The following MYH11 variants were observed in gnomAD, a reference collection of about 807,000 sequenced individuals.
MYH11 encodes myosin heavy chain 11.
In MYH11, 80 loss-of-function variants were observed where a neutral mutation model predicts 246.6. That is an observed-to-expected ratio of 0.32 (90% confidence interval 0.27 to 0.39). The LOEUF (loss-of-function observed/expected upper bound fraction) is 0.39, where lower values mean the gene tolerates loss of function less well. Ranked by LOEUF, MYH11 falls within the 10% of genes least tolerant of loss-of-function variation. The pLI, the probability that MYH11 is intolerant of heterozygous loss-of-function variation, is 1.00. For missense variants in MYH11, 2,158 were observed against 2,546.8 expected (o/e 0.85, Z 3.29); for synonymous variants, 1,071 against 1,015.5 (o/e 1.05, Z -1.04).
intron 15 of MYH11, among the ~76,000 whole-genome samples, chr16:15,752,375 A>G (rs2041595573): frequency 6.6e-6 from 1 of 152,040 alleles, no homozygotes; most frequent in African/African-American, 2.4e-5. Context: ...ACTGATGGCC[A>G]GGGACAAACA....
chr16:15,705,517 C>T (rs939324907), intron 40 of MYH11, among the ~76,000 whole-genome samples: 9 of 152,174 alleles, frequency 5.9e-5, no homozygotes, highest in African/African-American at 9.7e-5. Flanking sequence ...TTTCAGCAAC[C>T]GCAACAAATA....
chr16:15,833,459 C>T (rs1455457732), intron 2 of MYH11, among the ~76,000 whole-genome samples: 1 of 151,094 alleles, frequency 6.6e-6, no homozygotes, highest in African/African-American at 2.4e-5. Context: ...AGCCAAAAGA[C>T]AGCATTCAGA....
chr16:15,740,778 G>C (rs539208587), intron 22 of MYH11, among the ~76,000 whole-genome samples: 1 of 152,004 alleles, frequency 6.6e-6, no homozygotes, highest in African/African-American at 2.4e-5. Flanking sequence ...CCTTGAGTGG[G>C]GGTTAGATTT....
At chr16:15,716,424 G>T (rs1436200312) in intron 38 of MYH11, among the ~76,000 whole-genome samples, 3 of 152,176 alleles carry the variant, frequency 2.0e-5, no homozygotes, top group South Asian at 2.1e-4. Flanking sequence ...TAAGAAATGT[G>T]CTGTGATCAT....
At chr16:15,706,950 A>G (rs890404283) in intron 40 of MYH11, among the ~76,000 whole-genome samples, 2 of 152,168 alleles carry the variant, frequency 1.3e-5, no homozygotes, top group African/African-American at 4.8e-5. Flanking sequence ...ACTGGTTTCA[A>G]ATCCTAGACC....
intron 40 of MYH11, among the ~76,000 whole-genome samples, chr16:15,706,563 C>G (rs1333085607): frequency 2.0e-5 from 3 of 151,896 alleles, no homozygotes; most frequent in Non-Finnish European, 4.4e-5. Context: ...CTAAATTAGC[C>G]GTGCGTGGTG....
At chr16:15,853,723 C>G (rs546296860) in intron 1 of MYH11, among the ~76,000 whole-genome samples, 55 of 152,250 alleles carry the variant, frequency 3.6e-4, no homozygotes, top group African/African-American at 1.2e-3. Context: ...TTAAAGTATG[C>G]CATCAAGACC....
At position 15,747,735 on chromosome 16, in the gene MYH11, A is replaced by G; in HGVS notation, c.2251-5T>C. 1 of 1,613,954 alleles carries G rather than the reference A, an allele frequency of 6.2e-7. No individual in the cohort carries two copies. Among genetic ancestry groups the G allele is most frequent in the Non-Finnish European group, 8.5e-7 (1 of 1,179,996 alleles). On this transcript the variant is annotated splice_region_variant and splice_polypyrimidine_tract_variant and intron_variant, in intron 18 of 40. Coordinates refer to ENST00000300036, the MANE Select transcript of MYH11 (RefSeq NM_002474.3). ...GTCAAGTTCCAGGGCTTTGATCTGC[A>G]AAAGGAAGGAAAGGAAGAGCTCCTG...
intron 2 of MYH11, among the ~76,000 whole-genome samples, chr16:15,836,507 C>T (rs1195492502): frequency 6.6e-6 from 1 of 152,120 alleles, no homozygotes; most frequent in Non-Finnish European, 1.5e-5. Context: ...TCAAGCGATT[C>T]TCCTGCCTCG....
chr16:15,782,757 G>C (rs1379445029), intron 5 of MYH11: 1 of 449,650 alleles, frequency 2.2e-6, no homozygotes, highest in African/African-American at 2.0e-5. Context: ...GCCACTCAAA[G>C]CCACTGCCTT....
At chr16:15,840,753 T>C (rs528640226) in intron 1 of MYH11, among the ~76,000 whole-genome samples, 1 of 152,022 alleles carries the variant, frequency 6.6e-6, no homozygotes, top group South Asian at 2.1e-4. Flanking sequence ...ACCAAACAAC[T>C]AAAAAAATCA....
At chr16:15,792,452 T>C (rs1209796456) in intron 4 of MYH11, 2 of 152,210 alleles carry the variant, frequency 1.3e-5, no homozygotes, top group Admixed American at 1.3e-4. Flanking sequence ...ATATTCACAT[T>C]TTCCCACTGT....
At chr16:15,786,073 C>T (rs1402074314) in intron 5 of MYH11, 2 of 263,724 alleles carry the variant, frequency 7.6e-6, no homozygotes, top group South Asian at 4.6e-5. Flanking sequence ...CAGGGGGACA[C>T]GTGGAGGAAT....
rs2039326079 is a variant in MYH11 at position 15,704,132 on chromosome 16, T to C, written c.5787-9A>G. 1.9e-6 allele frequency: 3 copies of C among 1,613,892 alleles called. No homozygotes were observed. In the East Asian group the frequency reaches 6.7e-5, roughly 36 times the overall value. On this transcript the variant is annotated splice_polypyrimidine_tract_variant and intron_variant, in intron 40 of 40. Coordinates refer to ENST00000300036, the MANE Select transcript of MYH11 (RefSeq NM_002474.3). ...AGGTCTCGTTTCCTCGCCTGTGGGTTGTAAGAAAACACATTATTTAGCAAA... is the reference window on the plus strand; with the variant it reads ...AGGTCTCGTTTCCTCGCCTGTGGGTCGTAAGAAAACACATTATTTAGCAAA...
intron 2 of MYH11, among the ~76,000 whole-genome samples, chr16:15,830,425 T>C (rs911141356): frequency 6.6e-6 from 1 of 152,206 alleles, no homozygotes; most frequent in South Asian, 2.1e-4. Flanking sequence ...GGTTCATCCC[T>C]ATAGCAGAAG....
At chr16:15,768,308 C>T (rs1286671501) in intron 9 of MYH11, among the ~76,000 whole-genome samples, 2 of 152,122 alleles carry the variant, frequency 1.3e-5, no homozygotes, top group East Asian at 3.9e-4. Context: ...ACATTAGAAG[C>T]AGTATAACCA....
rs553643655 is a variant in MYH11 at position 15,763,464 on chromosome 16, G to A, written c.1129+332C>T. Among the ~76,000 whole-genome samples the A allele has an allele frequency of 2.0e-5, 3 of 152,086 alleles. No homozygotes were observed. The South Asian group carries it at 6.2e-4, about 32-fold the overall frequency. ...GCATTTTGGGAGGCCAAGGTGGGAG[G>A]ATCACTTGAGCTCAGGAGTTCAAGA... On this transcript the variant is annotated intron_variant, in intron 10 of 40. Transcript: ENST00000300036.
chr16:15,718,209 C>A, intron 37 of MYH11, 106 bp downstream of exon 37: 2 of 1,572,844 alleles, frequency 1.3e-6, no homozygotes. Context: ...GTCCCTCAAT[C>A]CAGGGCCTGC....
At chr16:15,760,066 C>A (rs112913624) in intron 11 of MYH11, among the ~76,000 whole-genome samples, 3 of 152,088 alleles carry the variant, frequency 2.0e-5, no homozygotes, top group Admixed American at 6.6e-5. Flanking sequence ...CACTGCACCC[C>A]CCCCTGGGCA....
Sources: gnomAD v4.1 joint callset for allele counts (sites outside exome capture counted in the v4.1 genomes callset) on GRCh38, gnomAD v4.1.1 for gene constraint, MANE v1.5 for transcripts, NCBI Gene and HGNC (gene_info 2026-07-23, HGNC 2026-07-21) for gene names.